Variants in FSIP1 observed in about 807,000 individuals in gnomAD.
FSIP1 encodes the protein fibrous sheath interacting protein 1.
FSIP1 carries 65 observed loss-of-function variants against 60.9 expected under a neutral mutation model. The ratio of observed to expected loss-of-function variants is 1.07; its 90% CI spans 0.87 to 1.31. The LOEUF (loss-of-function observed/expected upper bound fraction) is 1.31, where lower values mean the gene tolerates loss of function less well. FSIP1 is among the 40% of genes most tolerant of loss of function. FSIP1 has a pLI of 0.00. For missense variants in FSIP1, 675 were observed against 665.5 expected (o/e 1.01, Z -0.16); for synonymous variants, 209 against 221.2 (o/e 0.94, Z 0.49).
intron 10 of FSIP1, among the ~76,000 whole-genome samples, chr15:39,649,215 C>T (rs757446795): frequency 8.5e-5 from 13 of 152,154 alleles, no homozygotes; most frequent in East Asian, 1.9e-4. Flanking sequence ...AACTGTTTTG[C>T]AATATGAAAA....
chr15:39,696,844 A>G (rs1338873123), intron 10 of FSIP1, among the ~76,000 whole-genome samples: 8 of 146,238 alleles, frequency 5.5e-5, no homozygotes, highest in Non-Finnish European at 7.5e-5. Flanking sequence ...TGAAGAAGAG[A>G]GGAAAGGAGG....
chr15:39,649,566 C>G (rs1405472886), intron 10 of FSIP1, among the ~76,000 whole-genome samples: 2 of 152,194 alleles, frequency 1.3e-5, no homozygotes, highest in Admixed American at 1.3e-4. Flanking sequence ...AATATGTGAC[C>G]TACTACTACC....
chr15:39,618,289 A>C, intron 10 of FSIP1, 44 bp from the exon 11 acceptor site: 4 of 1,503,432 alleles, frequency 2.7e-6, no homozygotes, highest in Non-Finnish European at 3.6e-6. Context: ...TTGACTGAGT[A>C]AACACATTTA....
In FSIP1 at chr15:39,646,520, C is replaced by CAATA. The variant is rs1186304924; in HGVS notation, c.1189-28276_1189-28275insTATT. ...GTAACATAGCGAGACCTCATCTCTA[C>CAATA]AAAAAAAAAAAAAAAAAAAAAAAAA... On this transcript the variant is annotated intron_variant, in intron 10 of 11. Coordinates refer to ENST00000350221, the MANE Select transcript of FSIP1 (RefSeq NM_152597.5). Among the ~76,000 whole-genome samples the CAATA allele has an allele frequency of 1.8e-4, 5 of 27,088 alleles. 1 individual carries two copies. The highest frequency in any genetic ancestry group is 4.8e-4 in the African/African-American group (5 of 10,442). The allele number at this position is 27,088 out of a possible 152,430, so 17.8% of individuals were successfully genotyped here. A position where few individuals can be genotyped will look rare whatever the true frequency, so the allele number is the denominator to read the frequency against.
intron 10 of FSIP1, among the ~76,000 whole-genome samples, chr15:39,676,718 T>C (rs1197413037): frequency 6.6e-6 from 1 of 152,230 alleles, no homozygotes; most frequent in Admixed American, 6.5e-5. Context: ...ACTCAGCCTA[T>C]TGTCCTGAAA....
chr15:39,669,077 T>G (rs1376199343), intron 10 of FSIP1, among the ~76,000 whole-genome samples: 3 of 152,180 alleles, frequency 2.0e-5, no homozygotes, highest in Non-Finnish European at 4.4e-5. Context: ...GAAAGGCCTT[T>G]GTGCCCAGCT....
chr15:39,636,241 C>T (rs971675908), intron 10 of FSIP1, among the ~76,000 whole-genome samples: 10 of 152,194 alleles, frequency 6.6e-5, no homozygotes, highest in African/African-American at 2.4e-4. Context: ...TGGTTAAGTG[C>T]TCTTATAGCA....
intron 11 of FSIP1, among the ~76,000 whole-genome samples, chr15:39,605,055 A>G (rs540490691): frequency 6.6e-6 from 1 of 152,368 alleles, no homozygotes; most frequent in African/African-American, 2.4e-5. Context: ...TCTGCCGGCA[A>G]CCAGGCCTCA....
intron 10 of FSIP1, among the ~76,000 whole-genome samples, chr15:39,709,084 G>T (rs574930567): frequency 2.0e-5 from 3 of 152,282 alleles, no homozygotes; most frequent in African/African-American, 7.2e-5. Context: ...CTGAAACACA[G>T]AATTAAGCTA....
rs545592490 is a variant in FSIP1 at position 39,673,591 on chromosome 15, C to T, written c.1188+39853G>A. ...ACAGCCTCCCAAAGCACTGGGATTA[C>T]GAAGATGAGCCATTGAGCCTGGCTC... is the stretch of plus-strand genomic sequence containing the variant. On this transcript the variant is annotated intron_variant, in intron 10 of 11. Coordinates refer to ENST00000350221, the MANE Select transcript of FSIP1 (RefSeq NM_152597.5). Among the ~76,000 whole-genome samples, 10 of 152,288 alleles carry T rather than the reference C, an allele frequency of 6.6e-5. No homozygotes were observed. In the East Asian group the frequency reaches 7.7e-4, roughly 12 times the overall value.
At chr15:39,689,902 T>G (rs892779069) in intron 10 of FSIP1, among the ~76,000 whole-genome samples, 5 of 152,240 alleles carry the variant, frequency 3.3e-5, no homozygotes, top group African/African-American at 1.2e-4. Flanking sequence ...AGTCATTCAT[T>G]TCTCATACTG....
chr15:39,737,597 A>G (rs894220622), intron 8 of FSIP1, among the ~76,000 whole-genome samples: 1 of 152,224 alleles, frequency 6.6e-6, no homozygotes, highest in African/African-American at 2.4e-5. Flanking sequence ...TTTGAAAGTC[A>G]ATAATGAATT....
At chr15:39,736,769 T>C (rs984854069) in intron 8 of FSIP1, among the ~76,000 whole-genome samples, 1 of 152,204 alleles carries the variant, frequency 6.6e-6, no homozygotes, top group African/African-American at 2.4e-5. Context: ...ACCAGGGACA[T>C]GAGGAAAACA....
rs1892216382 is a variant in FSIP1 at position 39,638,266 on chromosome 15, A to T, written c.1189-20021T>A. On this transcript the variant is annotated intron_variant, in intron 10 of 11. Transcript: ENST00000350221. ...TAACCTGATTTCACACTTCCCGTTA[A>T]GCATGTTTAGAGTACATTATAGCAA... Among the ~76,000 whole-genome samples the T allele has an allele frequency of 2.0e-5, 3 of 152,368 alleles. No individual in the cohort carries two copies. In the South Asian group the frequency reaches 6.2e-4, roughly 32 times the overall value.
chr15:39,717,103 C>T (rs529683551), intron 9 of FSIP1, among the ~76,000 whole-genome samples: 12 of 152,114 alleles, frequency 7.9e-5, no homozygotes, highest in East Asian at 5.8e-4. Flanking sequence ...TGAGCCACCA[C>T]GCCAAAACAG....
intron 6 of FSIP1, 67 bp from the exon 7 acceptor site, chr15:39,739,856 A>T: frequency 1.2e-5 from 12 of 961,900 alleles, no homozygotes; most frequent in Non-Finnish European, 1.8e-5. Flanking sequence ...AGTTCACTTT[A>T]AGCATATATT....
chr15:39,647,652 A>C (rs547556322), intron 10 of FSIP1, among the ~76,000 whole-genome samples: 1 of 151,914 alleles, frequency 6.6e-6, no homozygotes, highest in South Asian at 2.1e-4. Flanking sequence ...ACATAGGAAA[A>C]AAATTTACAC....
intron 5 of FSIP1, among the ~76,000 whole-genome samples, chr15:39,761,381 T>C (rs1352595341): frequency 6.6e-6 from 1 of 152,204 alleles, no homozygotes; most frequent in Non-Finnish European, 1.5e-5. Flanking sequence ...CATGGAGTAC[T>C]TTTCAGTCTT....
chr15:39,618,046 GT>G lies in FSIP1; in HGVS notation c.1387del (p.Thr463LeufsTer3), dbSNP rs932730458. On this transcript the variant is annotated frameshift_variant, in exon 11 of 12. Transcript: ENST00000350221. LOFTEE classifies it high-confidence loss of function. ...LNESETKVQK[T>X]EVEDADMLES... ...AAGCATATCTGCATCTTCTACCTCAGTTTTCTGGACCTTTGTTTCTGATTCA... is the reference window on the plus strand; with the variant it reads ...AAGCATATCTGCATCTTCTACCTCAGTTTCTGGACCTTTGTTTCTGATTCA... The G allele has an allele frequency of 2.5e-5, 41 of 1,614,128 alleles. No homozygotes were observed. Among genetic ancestry groups the G allele is most frequent in the Non-Finnish European group, 3.0e-5 (35 of 1,179,990 alleles).
Sources: allele counts gnomAD v4.1 joint callset (sites outside exome capture counted in the v4.1 genomes callset), GRCh38; gene constraint gnomAD v4.1.1; transcripts MANE v1.5; gene names NCBI Gene and HGNC (gene_info 2026-07-23, HGNC 2026-07-21).